Variants in CNIH1 observed in about 807,000 individuals in gnomAD.
CNIH1 encodes the protein cornichon family member 1.
Under a neutral mutation model 20.2 loss-of-function variants are expected in CNIH1, and 12 were observed. The observed-to-expected ratio is 0.59, with a 90% CI of 0.38 to 0.96. CNIH1 has a LOEUF of 0.96. Among genes scored for constraint, CNIH1 ranks in the 40% least tolerant of loss-of-function variants. CNIH1 has a pLI of 0.00. For synonymous variants in CNIH1, 69 were observed against 63.3 expected (o/e 1.09, Z -0.43); for missense variants, 152 against 178.8 (o/e 0.85, Z 0.85).
chr14:54,435,939 A>G (rs1044263741), intron 2 of CNIH1: 17 of 591,320 alleles, frequency 2.9e-5, no homozygotes, highest in Non-Finnish European at 4.8e-5. Context: ...TTTGCATAAA[A>G]TATGAAATTT....
At chr14:54,439,543 T>A (rs1461408146) in intron 1 of CNIH1, among the ~76,000 whole-genome samples, 1 of 149,894 alleles carries the variant, frequency 6.7e-6, no homozygotes, top group Non-Finnish European at 1.5e-5. Context: ...CCACACACTT[T>A]CTTTCTTTCT....
Position 54,430,420 on chromosome 14 carries a change from T to C in CNIH1, c.264-16A>G. 2 of 1,593,908 alleles carry C rather than the reference T, an allele frequency of 1.3e-6. No individual in the cohort carries two copies. The highest frequency in any genetic ancestry group is 1.7e-6 in the Non-Finnish European group (2 of 1,169,842). On this transcript the variant is annotated splice_polypyrimidine_tract_variant and intron_variant, in intron 3 of 4. Transcript: ENST00000216416. ...ACTCATATACCTGGAATAAACACAG[T>C]CTATTAGGCATTCAGAAAGGGCAGT...
chr14:54,431,593 A>G (rs1316364338), intron 3 of CNIH1, among the ~76,000 whole-genome samples: 1 of 152,236 alleles, frequency 6.6e-6, no homozygotes, highest in Non-Finnish European at 1.5e-5. Context: ...ATTACTATGG[A>G]AGTTATAAAA....
chr14:54,432,817 G>T (rs2030976255), intron 2 of CNIH1, among the ~76,000 whole-genome samples: 1 of 152,168 alleles, frequency 6.6e-6, no homozygotes, highest in Non-Finnish European at 1.5e-5. Context: ...AAATGTAAAA[G>T]ATTCGCTTTC....
At position 54,427,748 on chromosome 14, in the gene CNIH1, A is replaced by C; in HGVS notation, c.*66T>G. ...CTACTCTTGGACAGGATCTTGCTGGATAGAATCCCTTCATTTGGTGGCTTT... is the reference window on the plus strand; with the variant it reads ...CTACTCTTGGACAGGATCTTGCTGGCTAGAATCCCTTCATTTGGTGGCTTT... On this transcript the variant is annotated 3_prime_UTR_variant, in exon 5 of 5. Coordinates refer to ENST00000216416, the MANE Select transcript of CNIH1 (RefSeq NM_005776.3). 6.5e-7 allele frequency: 1 copy of C among 1,536,224 alleles called. No homozygotes were observed. The highest frequency in any genetic ancestry group is 2.2e-5 in the East Asian group (1 of 44,524).
At chr14:54,440,856 T>G (rs2031155954) in intron 1 of CNIH1, among the ~76,000 whole-genome samples, 1 of 152,208 alleles carries the variant, frequency 6.6e-6, no homozygotes, top group Admixed American at 6.5e-5. Context: ...TTAACAAAAA[T>G]TCGGAAAACT....
At chr14:54,430,194 C>A in intron 4 of CNIH1, 67 bp downstream of exon 4, 1 of 1,530,942 alleles carries the variant, frequency 6.5e-7, no homozygotes, top group Admixed American at 1.7e-5. Flanking sequence ...GGTGTGAAAA[C>A]CATAATGCCT....
chr14:54,427,864 T>C, intron 4 of CNIH1, 23 bp from the exon 5 acceptor site: 2 of 1,609,900 alleles, frequency 1.2e-6, no homozygotes, highest in Non-Finnish European at 1.7e-6. Context: ...AAAAAGATGT[T>C]AATTTGAACA....
intron 2 of CNIH1, among the ~76,000 whole-genome samples, chr14:54,433,720 A>G (rs1032527732): frequency 1.3e-5 from 2 of 152,200 alleles, no homozygotes; most frequent in Admixed American, 6.5e-5. Context: ...AAGCCATCTG[A>G]TACCTAACAA....
At chr14:54,439,027 T>A (rs775080545) in intron 1 of CNIH1, among the ~76,000 whole-genome samples, 2 of 152,200 alleles carry the variant, frequency 1.3e-5, no homozygotes, top group African/African-American at 2.4e-5. Flanking sequence ...ATGCCCAGTC[T>A]TATAGTCAGC....
chr14:54,436,199 A>T, intron 2 of CNIH1, 170 bp downstream of exon 2: 1 of 706,906 alleles, frequency 1.4e-6, no homozygotes, highest in East Asian at 2.7e-5. Flanking sequence ...CAGCAGATTA[A>T]TAATAGAATA....
At position 54,426,492 on chromosome 14, in the gene CNIH1, T is replaced by G. The variant is rs1393896731; in HGVS notation, c.*1322A>C. 1.3e-5 allele frequency: 2 copies of G among 152,210 alleles called. No homozygotes were observed. The highest frequency in any genetic ancestry group is 4.8e-5 in the African/African-American group (2 of 41,466). 9.4% of individuals were successfully genotyped at this position (152,210 alleles called of 1,614,324 possible). A position where few individuals can be genotyped will look rare whatever the true frequency, so the allele number is the denominator to read the frequency against. Reference sequence around the variant, plus strand: ...CAAGAAACTTCCAAACCACTTATTTTATTTTCAACTGCCTTAACTTCCTCA... The same window carrying G: ...CAAGAAACTTCCAAACCACTTATTTGATTTTCAACTGCCTTAACTTCCTCA... On this transcript the variant is annotated 3_prime_UTR_variant, in exon 5 of 5. Coordinates refer to ENST00000216416, the MANE Select transcript of CNIH1 (RefSeq NM_005776.3).
At position 54,432,179 on chromosome 14, in the gene CNIH1, G is replaced by T; in HGVS notation, c.192C>A (p.Val64=). 1 of 1,565,036 alleles carries T rather than the reference G, an allele frequency of 6.4e-7. No homozygotes were observed. Among genetic ancestry groups the T allele is most frequent in the South Asian group, 1.2e-5 (1 of 84,604 alleles). Residue 64 remains valine (V), a synonymous_variant, in exon 3 of 5, where the codon GTC becomes GTA. Transcript: ENST00000216416. ...PEYLIHAFFC[V]MFLCAAEWLT... ...GCCACTCTGCTGCACAAAGAAACAT[G>T]ACACAGAAGAAAGCGTGGATGAGGT... is the stretch of plus-strand genomic sequence containing the variant.
intron 1 of CNIH1, among the ~76,000 whole-genome samples, chr14:54,439,101 AT>A (rs2031114369): frequency 6.6e-6 from 1 of 152,184 alleles, no homozygotes; most frequent in Non-Finnish European, 1.5e-5. Flanking sequence ...GTATTCCTGT[AT>A]AGCAACACTA....
At chr14:54,430,071 G>A (rs566371708) in intron 4 of CNIH1, 190 bp downstream of exon 4, 2 of 567,168 alleles carry the variant, frequency 3.5e-6, no homozygotes, top group Non-Finnish European at 6.2e-6. Context: ...CTGATGGCAG[G>A]CTGGTTTACT....
chr14:54,433,427 CACCACTA>C (rs1413078696), intron 2 of CNIH1, among the ~76,000 whole-genome samples: 7 of 152,148 alleles, frequency 4.6e-5, no homozygotes, highest in Admixed American at 4.6e-4. Flanking sequence ...AACTCATCTA[CACCACTA>C]ACCAAATATT....
intron 2 of CNIH1, among the ~76,000 whole-genome samples, chr14:54,433,757 T>C (rs1012338015): frequency 6.6e-6 from 1 of 152,208 alleles, no homozygotes; most frequent in Non-Finnish European, 1.5e-5. Context: ...GGTTTTATCC[T>C]ACACTTACAG....
chr14:54,441,174 C>T (rs2031166910), intron 1 of CNIH1, 73 bp downstream of exon 1: 5 of 1,403,318 alleles, frequency 3.6e-6, no homozygotes, highest in African/African-American at 1.5e-5. Context: ...CGTGGCGGCC[C>T]GGACCGCGGG....
chr14:54,427,961 A>G lies in CNIH1; in HGVS notation c.408-120T>C, dbSNP rs2030859867. 5 of 950,580 alleles carry G rather than the reference A, an allele frequency of 5.3e-6. No homozygotes were observed. The East Asian group carries it at 1.3e-4, about 24-fold the overall frequency. 58.9% of individuals were successfully genotyped at this position (950,580 alleles called of 1,614,324 possible). A position where few individuals can be genotyped will look rare whatever the true frequency, so the allele number is the denominator to read the frequency against. The stretch of plus-strand genomic sequence containing the variant: ...ATCACAGAAAATGACAAGACTAATG[A>G]CAAGTTCACAGTGATTTTAATTTGC... On this transcript the variant is annotated intron_variant, in intron 4 of 4. Coordinates refer to ENST00000216416, the MANE Select transcript of CNIH1 (RefSeq NM_005776.3).
Sources: gnomAD v4.1 joint callset for allele counts (sites outside exome capture counted in the v4.1 genomes callset) on GRCh38, gnomAD v4.1.1 for gene constraint, MANE v1.5 for transcripts, NCBI Gene and HGNC (gene_info 2026-07-23, HGNC 2026-07-21) for gene names.